IQCM: variants seen among roughly 807,000 people sequenced by gnomAD.
The protein encoded by IQCM is IQ motif containing M.
A neutral mutation model predicts 57.6 loss-of-function variants in IQCM; 45 were observed. The observed-to-expected ratio is 0.78, with a 90% CI of 0.62 to 1.00. IQCM has a LOEUF of 1.00. IQCM is among the 50% of genes least tolerant of loss of function. The pLI, the probability that IQCM is intolerant of heterozygous loss-of-function variation, is 0.00. For missense variants in IQCM, 468 were observed against 511.6 expected (o/e 0.91, Z 0.82); for synonymous variants, 148 against 158.9 (o/e 0.93, Z 0.51).
At chr4:149,441,598 T>C (rs578024697) in intron 12 of IQCM, among the ~76,000 whole-genome samples, 1 of 152,246 alleles carries the variant, frequency 6.6e-6, no homozygotes, top group African/African-American at 2.4e-5. Flanking sequence ...CTGTACACTT[T>C]TGGGAGTCCA....
intron 10 of IQCM, 125 bp from the exon 11 acceptor site, chr4:149,553,412 G>T: frequency 1.3e-6 from 1 of 742,060 alleles, no homozygotes; most frequent in Non-Finnish European, 1.8e-6. Flanking sequence ...TTATTGCCTA[G>T]GTTGGCTAAA....
chr4:149,538,885 A>G (rs1457394464), intron 12 of IQCM, among the ~76,000 whole-genome samples: 1 of 152,006 alleles, frequency 6.6e-6, no homozygotes, highest in Non-Finnish European at 1.5e-5. Context: ...TATATTCCAC[A>G]GCCTGGGGAA....
chr4:149,744,926 GA>G (rs1384376949), intron 2 of IQCM, among the ~76,000 whole-genome samples: 1 of 152,168 alleles, frequency 6.6e-6, no homozygotes, highest in Non-Finnish European at 1.5e-5. Flanking sequence ...TGAGCTTTGT[GA>G]AATAAGTGAT....
chr4:149,764,895 C>G (rs925030885), intron 2 of IQCM, among the ~76,000 whole-genome samples: 15 of 152,158 alleles, frequency 9.9e-5, no homozygotes, highest in African/African-American at 3.1e-4. Flanking sequence ...AGCTCAAACT[C>G]AATAGCAGCA....
chr4:149,704,295 T>C (rs1433650447), intron 5 of IQCM, among the ~76,000 whole-genome samples: 1 of 151,876 alleles, frequency 6.6e-6, no homozygotes, highest in Non-Finnish European at 1.5e-5. Context: ...ACCCCTGGAA[T>C]AAACACTCCC....
At chr4:149,481,835 G>A (rs1195433343) in intron 12 of IQCM, among the ~76,000 whole-genome samples, 1 of 149,820 alleles carries the variant, frequency 6.7e-6, no homozygotes, top group Non-Finnish European at 1.5e-5. Context: ...GACAGGAATT[G>A]CATTGAATCT....
rs1289840043 is a variant in IQCM at position 149,587,922 on chromosome 4, AG to A, written c.749+7del. The A allele has an allele frequency of 3.3e-6, 4 of 1,195,516 alleles. No individual in the cohort carries two copies. The highest frequency in any genetic ancestry group is 4.2e-6 in the Non-Finnish European group (4 of 955,442). 74.1% of individuals were successfully genotyped at this position (1,195,516 alleles called of 1,614,324 possible). On this transcript the variant is annotated splice_region_variant and intron_variant, in intron 9 of 13. Transcript: ENST00000636793. ...AATTTACACTTTTCTATTATATAAA[AG>A]ATATACCTGGGTTGTGATTTTGGTT...
intron 12 of IQCM, among the ~76,000 whole-genome samples, chr4:149,439,561 G>A (rs998370188): frequency 1.1e-4 from 16 of 152,044 alleles, no homozygotes; most frequent in Non-Finnish European, 2.9e-5. Context: ...GCATGTGTGT[G>A]TGAGTGTGTT....
chr4:149,696,339 C>T (rs137958812), intron 5 of IQCM, among the ~76,000 whole-genome samples: 46 of 152,258 alleles, frequency 3.0e-4, no homozygotes, highest in Middle Eastern at 3.4e-3. Context: ...TCCTATGATG[C>T]TGCTTCTCCT....
intron 13 of IQCM, among the ~76,000 whole-genome samples, chr4:149,393,648 C>A (rs1732021578): frequency 6.6e-6 from 1 of 151,534 alleles, no homozygotes; most frequent in Non-Finnish European, 1.5e-5. Flanking sequence ...TAAGGGAGAA[C>A]AATATAGTTA....
intron 6 of IQCM, among the ~76,000 whole-genome samples, chr4:149,684,263 T>C (rs1318013960): frequency 6.6e-6 from 1 of 151,340 alleles, no homozygotes; most frequent in Non-Finnish European, 1.5e-5. Flanking sequence ...CAATTGTGTT[T>C]TCCCACCACA....
At chr4:149,623,718 GGTGTGTGTGT>G (rs3057342) in intron 7 of IQCM, among the ~76,000 whole-genome samples, 5 of 145,996 alleles carry the variant, frequency 3.4e-5, no homozygotes, top group African/African-American at 7.5e-5. Flanking sequence ...CTGAATCCCA[GGTGTGTGTGT>G]GTGTGTGTGT....
intron 12 of IQCM, among the ~76,000 whole-genome samples, chr4:149,531,015 G>A (rs1465471762): frequency 6.6e-6 from 1 of 151,948 alleles, no homozygotes; most frequent in Non-Finnish European, 1.5e-5. Flanking sequence ...GGATGTTTTG[G>A]AAATACTTTT....
chr4:149,795,440 C>T (rs12503927), intron 2 of IQCM, among the ~76,000 whole-genome samples: 57,031 of 151,972 alleles, frequency 0.38, 13,965 homozygotes, highest in African/African-American at 0.67. Context: ...GTGGTCAGAA[C>T]TGAGTTCCCA....
At chr4:149,402,757 G>A (rs1476707342) in intron 13 of IQCM, among the ~76,000 whole-genome samples, 1 of 151,830 alleles carries the variant, frequency 6.6e-6, no homozygotes, top group Non-Finnish European at 1.5e-5. Context: ...ATCCTATGTC[G>A]TATAACTATT....
At chr4:149,476,301 G>GA (rs1740180726) in intron 12 of IQCM, among the ~76,000 whole-genome samples, 2 of 152,160 alleles carry the variant, frequency 1.3e-5, no homozygotes, top group South Asian at 4.1e-4. Context: ...TCTTCTGGCA[G>GA]AAAACGAAAT....
chr4:149,494,210 T>C lies in IQCM; in HGVS notation c.1228+54245A>G, dbSNP rs144157260. 3.5e-4 allele frequency among the ~76,000 whole-genome samples: 54 copies of C among 152,208 alleles called. No individual in the cohort carries two copies. The East Asian group carries it at 5.2e-3, about 15-fold the overall frequency. On this transcript the variant is annotated intron_variant, in intron 12 of 13. Transcript: ENST00000636793. ...GGCTAACATTTTGTGTGAGTTACAG[T>C]ATGCACACTGCTGAGACATAAATGC...
chr4:149,539,211 C>A (rs1414181866), intron 12 of IQCM, among the ~76,000 whole-genome samples: 1 of 152,006 alleles, frequency 6.6e-6, no homozygotes, highest in Admixed American at 6.6e-5. Context: ...ACAAAGAAAT[C>A]TCATTCAGCA....
At chr4:149,574,940 ATC>A (rs1696047656) in intron 9 of IQCM, among the ~76,000 whole-genome samples, 1 of 151,910 alleles carries the variant, frequency 6.6e-6, no homozygotes, top group African/African-American at 2.4e-5. Flanking sequence ...AGTAAAAGAG[ATC>A]TGTGATGCCT....
Sources: gnomAD v4.1 joint callset for allele counts (sites outside exome capture counted in the v4.1 genomes callset) on GRCh38, gnomAD v4.1.1 for gene constraint, MANE v1.5 for transcripts, NCBI Gene and HGNC (gene_info 2026-07-23, HGNC 2026-07-21) for gene names.